The following PLD5 variants were observed in gnomAD, a reference collection of about 807,000 sequenced individuals.
The protein encoded by PLD5 is phospholipase D family member 5, also known as inactive phospholipase D5.
In PLD5, 36 loss-of-function variants were observed where a neutral mutation model predicts 61.1. The observed-to-expected ratio is 0.59, with a 90% CI of 0.45 to 0.78. The LOEUF (loss-of-function observed/expected upper bound fraction) is 0.78, where lower values mean the gene tolerates loss of function less well. Among genes scored for constraint, PLD5 ranks in the 30% least tolerant of loss-of-function variants. The probability of loss-of-function intolerance (pLI) is 0.00; values close to 1 mark genes in which losing one functional copy is unlikely to be tolerated. For missense variants in PLD5, 515 were observed against 644.4 expected, an observed-to-expected ratio of 0.80 and a Z score of 2.17; for synonymous variants, 243 against 242.8, an observed-to-expected ratio of 1.00 and a Z score of -0.01.
Position 242,219,982 on chromosome 1 carries a change from G to A in PLD5, c.735+6C>T. 1 of 1,612,954 alleles carries A rather than the reference G, an allele frequency of 6.2e-7. No individual in the cohort carries two copies. The highest frequency in any genetic ancestry group is 8.5e-7 in the Non-Finnish European group (1 of 1,178,970). On this transcript the variant is annotated splice_donor_region_variant and intron_variant, in intron 5 of 9. Coordinates refer to ENST00000536534, the MANE Select transcript of PLD5 (RefSeq NM_001372062.1). ...ACATTGAGTTTACATAACGTAGAAA[G>A]CTTACCTGTCCCAGGGATTGCCAGT...
chr1:242,434,670 G>C (rs1177606813), intron 1 of PLD5, among the ~76,000 whole-genome samples: 1 of 152,052 alleles, frequency 6.6e-6, no homozygotes, highest in Non-Finnish European at 1.5e-5. Context: ...CTAGAGTGTA[G>C]TGGTGCAATC....
At chr1:242,319,941 T>G (rs1311968194) in intron 2 of PLD5, among the ~76,000 whole-genome samples, 2 of 152,238 alleles carry the variant, frequency 1.3e-5, no homozygotes, top group African/African-American at 4.8e-5. Context: ...TAAAAAGATT[T>G]TTCTTCTTTC....
At chr1:242,125,847 A>ATGT (rs971817496) in intron 5 of PLD5, among the ~76,000 whole-genome samples, 14 of 152,108 alleles carry the variant, frequency 9.2e-5, no homozygotes, top group African/African-American at 3.1e-4. Context: ...AGATCTTTCC[A>ATGT]TGTTCCTCTG....
intron 4 of PLD5, among the ~76,000 whole-genome samples, chr1:242,248,473 T>C (rs1672517167): frequency 2.3e-5 from 1 of 44,236 alleles, no homozygotes; most frequent in South Asian, 1.9e-3. Context: ...ACATTTAAAA[T>C]ACCACACCAA....
intron 4 of PLD5, among the ~76,000 whole-genome samples, chr1:242,236,987 G>A (rs1200480006): frequency 6.6e-6 from 1 of 152,174 alleles, no homozygotes; most frequent in East Asian, 1.9e-4. Flanking sequence ...AAAGAATCCA[G>A]GATACTGAAA....
At chr1:242,210,200 G>A (rs928084633) in intron 5 of PLD5, among the ~76,000 whole-genome samples, 2 of 152,200 alleles carry the variant, frequency 1.3e-5, no homozygotes, top group African/African-American at 4.8e-5. Flanking sequence ...GAATACAAAG[G>A]AAAAGTTCTT....
intron 5 of PLD5, among the ~76,000 whole-genome samples, chr1:242,198,284 T>A (rs1031541797): frequency 1.3e-5 from 2 of 152,136 alleles, no homozygotes; most frequent in Non-Finnish European, 2.9e-5. Context: ...CAGAGTCTAG[T>A]CTTTAAATTT....
At chr1:242,205,650 C>T (rs74150853) in intron 5 of PLD5, among the ~76,000 whole-genome samples, 1,634 of 152,262 alleles carry the variant, frequency 0.011, 28 homozygotes, top group African/African-American at 0.037. Context: ...TTACTTTGCT[C>T]CATTTTCATT....
intron 8 of PLD5, 138 bp from the exon 9 acceptor site, chr1:242,100,920 A>G (rs1660637544): frequency 1.6e-6 from 1 of 613,688 alleles, no homozygotes; most frequent in Non-Finnish European, 2.9e-6. Context: ...TTATTACCTC[A>G]TATAGATGAA....
intron 1 of PLD5, among the ~76,000 whole-genome samples, chr1:242,387,061 A>T (rs1266881078): frequency 6.6e-6 from 1 of 152,222 alleles, no homozygotes; most frequent in Non-Finnish European, 1.5e-5. Context: ...TAAATGGGGA[A>T]TATATGAGTA....
intron 4 of PLD5, among the ~76,000 whole-genome samples, chr1:242,249,025 G>A (rs1298050274): frequency 6.6e-6 from 1 of 152,148 alleles, no homozygotes; most frequent in Non-Finnish European, 1.5e-5. Context: ...GTGCAGGCCT[G>A]TAATCCCAGC....
intron 1 of PLD5, among the ~76,000 whole-genome samples, chr1:242,470,950 T>C (rs112525285): frequency 6.6e-6 from 1 of 152,212 alleles, no homozygotes; most frequent in Non-Finnish European, 1.5e-5. Flanking sequence ...CACCAGTCCT[T>C]GTCCAAGACA....
At chr1:242,502,694 T>C (rs1668593720) in intron 1 of PLD5, among the ~76,000 whole-genome samples, 1 of 152,080 alleles carries the variant, frequency 6.6e-6, no homozygotes, top group Admixed American at 6.5e-5. Context: ...TATGTGCGTG[T>C]GTGTGTGTGT....
At chr1:242,112,863 G>A (rs879794682) in intron 7 of PLD5, among the ~76,000 whole-genome samples, 11 of 152,180 alleles carry the variant, frequency 7.2e-5, no homozygotes, top group Non-Finnish European at 1.3e-4. Flanking sequence ...TTCCCAGCAC[G>A]AAAGCAAAAG....
intron 2 of PLD5, among the ~76,000 whole-genome samples, chr1:242,309,564 G>A (rs1574708470): frequency 2.0e-5 from 3 of 151,706 alleles, no homozygotes; most frequent in African/African-American, 4.8e-5. Flanking sequence ...AGTAGAGATC[G>A]GGTTTCACCA....
intron 2 of PLD5, among the ~76,000 whole-genome samples, chr1:242,300,697 T>C (rs1675984939): frequency 6.6e-6 from 1 of 151,664 alleles, no homozygotes; most frequent in African/African-American, 2.4e-5. Context: ...GAACATGATC[T>C]GATTTACCCT....
chr1:242,270,529 G>T (rs1321016231), intron 3 of PLD5, among the ~76,000 whole-genome samples: 2 of 152,132 alleles, frequency 1.3e-5, no homozygotes, highest in African/African-American at 2.4e-5. Context: ...AAAGGAAGGG[G>T]TATTCTTAAA....
chr1:242,221,669 C>A (rs957414787), intron 4 of PLD5, among the ~76,000 whole-genome samples: 3 of 152,058 alleles, frequency 2.0e-5, no homozygotes, highest in African/African-American at 7.2e-5. Context: ...TGTTTCTCTG[C>A]CTCCAGCCAT....
chr1:242,254,490 C>T (rs565278692), intron 4 of PLD5, among the ~76,000 whole-genome samples: 4 of 152,166 alleles, frequency 2.6e-5, no homozygotes, highest in East Asian at 1.9e-4. Context: ...GCCAACATGG[C>T]GAAACCCCAT....
Sources: allele counts gnomAD v4.1 joint callset (sites outside exome capture counted in the v4.1 genomes callset), GRCh38; gene constraint gnomAD v4.1.1; transcripts MANE v1.5; gene names NCBI Gene and HGNC (gene_info 2026-07-23, HGNC 2026-07-21).